Variants in ABI3BP observed in about 807,000 individuals in gnomAD.
ABI3BP encodes the protein target of Nesh-SH3.
Under a neutral mutation model 268.6 loss-of-function variants are expected in ABI3BP, and 216 were observed. That is an observed-to-expected ratio of 0.80 (90% confidence interval 0.72 to 0.90). The LOEUF (loss-of-function observed/expected upper bound fraction) is 0.90. Ranked by LOEUF, ABI3BP falls within the 40% of genes least tolerant of loss-of-function variation. The pLI is 0.00. For missense variants in ABI3BP, 2,090 were observed against 2,182.4 expected (o/e 0.96, Z 0.84); for synonymous variants, 730 against 730.0 (o/e 1.00, Z 0.00).
intron 27 of ABI3BP, among the ~76,000 whole-genome samples, chr3:100,836,471 T>C (rs2098593075): frequency 6.6e-6 from 1 of 152,084 alleles, no homozygotes; most frequent in African/African-American, 2.4e-5. Context: ...CAAGACATCA[T>C]AGCACAAAGT....
intron 65 of ABI3BP, 111 bp from the exon 66 acceptor site, chr3:100,753,059 T>A (rs2095423167): frequency 1.0e-6 from 1 of 990,840 alleles, no homozygotes; most frequent in Non-Finnish European, 1.4e-6. Context: ...CCCCCCATGC[T>A]AAATACTGGA....
intron 1 of ABI3BP, among the ~76,000 whole-genome samples, chr3:100,951,356 T>C (rs2074919469): frequency 6.6e-6 from 1 of 151,982 alleles, no homozygotes; most frequent in Non-Finnish European, 1.5e-5. Context: ...CTTACTTCTA[T>C]TCCTCCTCTG....
intron 40 of ABI3BP, 37 bp downstream of exon 40, chr3:100,820,183 C>T (rs922890543): frequency 4.7e-6 from 7 of 1,482,278 alleles, no homozygotes; most frequent in Non-Finnish European, 5.5e-6. Flanking sequence ...CTGAGAGCAG[C>T]TAGGATGAGC....
At position 100,840,133 on chromosome 3, in the gene ABI3BP, G is replaced by GCGA; in HGVS notation, c.1833_1835dup (p.Arg612dup). On this transcript the variant is annotated inframe_insertion, in exon 23 of 68. Coordinates refer to ENST00000471714, the MANE Select transcript of ABI3BP (RefSeq NM_001375547.2). ...TTTTAGGGCGGGGACGGGGGCGGGG[G>GCGA]CGACGACCTGGTCTTTTGGTCTTTC... is the stretch of plus-strand genomic sequence containing the variant. 1 of 1,531,306 alleles carries GCGA rather than the reference G, an allele frequency of 6.5e-7. No individual in the cohort carries two copies. The highest frequency in any genetic ancestry group is 8.7e-7 in the Non-Finnish European group (1 of 1,144,654). 94.9% of individuals were successfully genotyped at this position (1,531,306 alleles called of 1,614,324 possible).
Position 100,821,597 on chromosome 3 carries a change from CTTTTTTTT to C in ABI3BP, c.2888-492_2888-485del, listed in dbSNP as rs369631203. On this transcript the variant is annotated intron_variant, in intron 38 of 67. Transcript: ENST00000471714. ...ATTTGCCTGTCATCTTGAAGTAAGACTTTTTTTTTTTTTTTTTTTTTTTGAGATGGAGT... is the reference window on the plus strand; with the variant it reads ...ATTTGCCTGTCATCTTGAAGTAAGACTTTTTTTTTTTTTTTGAGATGGAGT... Among the ~76,000 whole-genome samples the C allele has an allele frequency of 3.5e-3, 413 of 119,150 alleles. 8 individuals carry two copies. Among genetic ancestry groups the C allele is most frequent in the Admixed American group, 0.031 (345 of 11,226 alleles). 78.2% of individuals were successfully genotyped at this position (119,150 alleles called of 152,430 possible). A position where few individuals can be genotyped will look rare whatever the true frequency, so the allele number is the denominator to read the frequency against.
chr3:100,888,630 A>G (rs767109403), intron 4 of ABI3BP, among the ~76,000 whole-genome samples: 7 of 152,096 alleles, frequency 4.6e-5, no homozygotes, highest in Non-Finnish European at 1.0e-4. Flanking sequence ...TGGTTTAAAA[A>G]TCCAGAGTGT....
intron 1 of ABI3BP, among the ~76,000 whole-genome samples, chr3:100,987,102 A>C (rs1466770611): frequency 1.3e-5 from 2 of 152,152 alleles, no homozygotes; most frequent in Non-Finnish European, 2.9e-5. Context: ...ATTTTATTAA[A>C]TTCACCTATT....
intron 1 of ABI3BP, among the ~76,000 whole-genome samples, chr3:100,954,975 C>CTTTTT (rs71299382): frequency 1.1e-5 from 1 of 94,766 alleles, no homozygotes; most frequent in Non-Finnish European, 2.0e-5. Context: ...TAAATTTTGT[C>CTTTTT]TTTTTTTTTT....
chr3:100,950,077 A>C (rs1476229127), intron 1 of ABI3BP, among the ~76,000 whole-genome samples: 2 of 152,128 alleles, frequency 1.3e-5, no homozygotes, highest in Non-Finnish European at 2.9e-5. Flanking sequence ...TTTTGATCTG[A>C]CTTTATCCTT....
chr3:100,917,055 T>A (rs1423636792), intron 2 of ABI3BP, among the ~76,000 whole-genome samples: 2 of 152,206 alleles, frequency 1.3e-5, no homozygotes, highest in Non-Finnish European at 2.9e-5. Flanking sequence ...TTACCCCAGT[T>A]GAATAATTTT....
At chr3:100,813,566 TTTTCA>T (rs2097917717) in intron 45 of ABI3BP, 90 bp downstream of exon 45, 1 of 1,012,882 alleles carries the variant, frequency 9.9e-7, no homozygotes, top group African/African-American at 1.6e-5. Context: ...GTATATTCCT[TTTTCA>T]TTTTTTATCT....
chr3:100,766,069 TA>T, intron 62 of ABI3BP, 120 bp from the exon 63 acceptor site: 1 of 687,486 alleles, frequency 1.5e-6, no homozygotes, highest in Non-Finnish European at 2.5e-6. Context: ...ATGGAAGTTC[TA>T]GAGACATATT....
At chr3:100,839,860 C>T (rs2098665527) in intron 23 of ABI3BP, among the ~76,000 whole-genome samples, 1 of 152,054 alleles carries the variant, frequency 6.6e-6, no homozygotes, top group Non-Finnish European at 1.5e-5. Context: ...CAGCTTTCTG[C>T]TGTGTGTACC....
chr3:100,800,231 G>A (rs1243610462), intron 51 of ABI3BP, among the ~76,000 whole-genome samples: 2 of 141,884 alleles, frequency 1.4e-5, no homozygotes, highest in African/African-American at 2.6e-5. Flanking sequence ...TTTTTTGCCT[G>A]TTAATATTCC....
chr3:100,931,282 G>A (rs2063539815), intron 1 of ABI3BP, among the ~76,000 whole-genome samples: 1 of 152,064 alleles, frequency 6.6e-6, no homozygotes, highest in African/African-American at 2.4e-5. Context: ...CTGAGAACTG[G>A]CACAAGACAG....
intron 20 of ABI3BP, among the ~76,000 whole-genome samples, chr3:100,846,064 T>C (rs917867325): frequency 6.6e-6 from 1 of 152,068 alleles, no homozygotes; most frequent in Non-Finnish European, 1.5e-5. Context: ...CTATTGTTCA[T>C]GAGATTAGAA....
intron 57 of ABI3BP, among the ~76,000 whole-genome samples, chr3:100,787,412 A>G (rs1411257596): frequency 1.3e-5 from 2 of 152,276 alleles, no homozygotes; most frequent in African/African-American, 4.8e-5. Flanking sequence ...GTGTAGAAAA[A>G]GCATTTTGAA....
intron 2 of ABI3BP, among the ~76,000 whole-genome samples, chr3:100,905,317 C>T (rs566945162): frequency 9.9e-5 from 15 of 152,086 alleles, no homozygotes; most frequent in Admixed American, 5.2e-4. Flanking sequence ...TGCTAAATGA[C>T]GAGTTACTGG....
At chr3:100,845,845 CT>C (rs36046418) in intron 20 of ABI3BP, among the ~76,000 whole-genome samples, 36,479 of 140,676 alleles carry the variant, frequency 0.26, 4,665 homozygotes, top group South Asian at 0.35. Flanking sequence ...CAAAAGCAGC[CT>C]TTTTTTTTTT....
Sources: allele counts gnomAD v4.1 joint callset (sites outside exome capture counted in the v4.1 genomes callset), GRCh38; gene constraint gnomAD v4.1.1; transcripts MANE v1.5; gene names NCBI Gene and HGNC (gene_info 2026-07-23, HGNC 2026-07-21).